The following IRS1 variants were observed in gnomAD, a reference collection of about 807,000 sequenced individuals.
IRS1 encodes insulin receptor substrate 1.
Under a neutral mutation model 65.6 loss-of-function variants are expected in IRS1, and 34 were observed. The observed-to-expected ratio is 0.52, with a 90% CI of 0.39 to 0.69. IRS1 has a LOEUF of 0.69. Among genes scored for constraint, IRS1 ranks in the 30% least tolerant of loss-of-function variants. The pLI is 0.00. For missense variants in IRS1, 1,641 were observed against 1,720.2 expected (o/e 0.95, Z 0.81); for synonymous variants, 699 against 683.5 (o/e 1.02, Z -0.35).
In IRS1 at chr2:226,795,045, T is replaced by G. The variant is rs770781927; in HGVS notation, c.3694A>C (p.Ile1232Leu). 1 of 1,608,972 alleles carries G rather than the reference T, an allele frequency of 6.2e-7. No homozygotes were observed. Among genetic ancestry groups the G allele is most frequent in the East Asian group, 2.2e-5 (1 of 44,530 alleles). ...SSEDLSAYAS[I>L]SFQKQPEDRQ ...TCCTCTGGCTGCTTCTGGAAACTGA[T>G]GCTGGCATAGGCGCTTAAATCCTCA... Residue 1232 changes from isoleucine (I) to leucine (L), a missense_variant, in exon 1 of 2, where the codon ATC becomes CTC. Ile to Leu is a conservative substitution (Grantham distance 5). This residue lies in a region of IRS1 where 1,324 missense variants were observed against 1,361.0 expected (regional missense o/e 0.97). Transcript: ENST00000305123.
chr2:226,753,737 A>G (rs1237714534), intron 1 of IRS1, among the ~76,000 whole-genome samples: 2 of 152,238 alleles, frequency 1.3e-5, no homozygotes, highest in Non-Finnish European at 2.9e-5. Context: ...TGGACTCTGA[A>G]GTCTTTGTGA....
At chr2:226,781,343 A>G (rs1939378248) in intron 1 of IRS1, among the ~76,000 whole-genome samples, 1 of 152,204 alleles carries the variant, frequency 6.6e-6, no homozygotes, top group African/African-American at 2.4e-5. Flanking sequence ...ATCCACAAAA[A>G]AGGAAAAGAA....
chr2:226,751,069 G>A (rs1559148753), intron 1 of IRS1, among the ~76,000 whole-genome samples: 1 of 152,164 alleles, frequency 6.6e-6, no homozygotes, highest in Non-Finnish European at 1.5e-5. Context: ...TCTGCAGGGT[G>A]AATGGGCTTT....
chr2:226,795,122 G>C lies in IRS1; in HGVS notation c.3617C>G (p.Pro1206Arg). Reference protein sequence around the residue: ...TPEPQPPPPPPPHQPLGSGES... With the variant: ...TPEPQPPPPPRPHQPLGSGES... ...ACCGCTGCCCAGGGGTTGATGAGGG[G>C]GTGGGGGTGGGGGAGGCTGCGGTTC... The change falls in exon 1 of 2, where the codon CCC (proline) becomes CGC (arginine). Residue 1206 changes from proline to arginine, a missense_variant. Pro to Arg is a moderately radical substitution (Grantham distance 103). This residue lies in a region of IRS1 where 1,324 missense variants were observed against 1,361.0 expected (regional missense o/e 0.97). Coordinates refer to ENST00000305123, the MANE Select transcript of IRS1 (RefSeq NM_005544.3). The C allele has an allele frequency of 1.9e-6, 3 of 1,609,452 alleles. No homozygotes were observed. The South Asian group carries it at 3.3e-5, about 18-fold the overall frequency.
At chr2:226,765,563 G>T (rs1939016372) in intron 1 of IRS1, among the ~76,000 whole-genome samples, 1 of 152,138 alleles carries the variant, frequency 6.6e-6, no homozygotes, top group Non-Finnish European at 1.5e-5. Context: ...ACAACCCCAT[G>T]AGCACTAATG....
rs1316620044 is a variant in IRS1, at chr2:226,795,314, C to T, written c.3425G>A (p.Ser1142Asn). The T allele has an allele frequency of 1.2e-6, 2 of 1,613,828 alleles. No individual in the cohort carries two copies. The highest frequency in any genetic ancestry group is 2.2e-5 in the South Asian group (2 of 91,088). ...CCACACATTCTCAAAGGAAGCAGAGCTGTGGCGTTTCACATCCTCGCTGCT... is the reference window on the plus strand; with the variant it reads ...CCACACATTCTCAAAGGAAGCAGAGTTGTGGCGTTTCACATCCTCGCTGCT... ...SSSSEDVKRH[S>N]SASFENVWLR... is the part of the protein sequence containing the mutation. Residue 1142 changes from serine (S) to asparagine (N), a missense_variant, in exon 1 of 2, where the codon AGC becomes AAC. Transcript: ENST00000305123.
chr2:226,758,586 AATAATT>A (rs1296580130), intron 1 of IRS1, among the ~76,000 whole-genome samples: 5 of 152,194 alleles, frequency 3.3e-5, no homozygotes, highest in Non-Finnish European at 7.3e-5. Context: ...ATAATATAGA[AATAATT>A]ATAATGAATC....
intron 1 of IRS1, among the ~76,000 whole-genome samples, chr2:226,781,496 A>G (rs1173327891): frequency 6.6e-6 from 1 of 152,162 alleles, no homozygotes. Context: ...AGTGAATTAG[A>G]TCGAATTGGG....
chr2:226,795,110 G>A lies in IRS1; in HGVS notation c.3629C>T (p.Pro1210Leu), dbSNP rs1312009930. 1.2e-6 allele frequency: 2 copies of A among 1,608,326 alleles called. No homozygotes were observed. Residue 1210 changes from proline (P) to leucine (L), a missense_variant, in exon 1 of 2, where the codon CCC becomes CTC. This residue lies in a region of IRS1 where 1,324 missense variants were observed against 1,361.0 expected (regional missense o/e 0.97). Coordinates refer to ENST00000305123, the MANE Select transcript of IRS1 (RefSeq NM_005544.3). ...GGAGCTGCTCTCACCGCTGCCCAGG[G>A]GTTGATGAGGGGGTGGGGGTGGGGG... ...QPPPPPPPHQ[P>L]LGSGESSSTR... is the part of the protein sequence containing the mutation.
intron 1 of IRS1, among the ~76,000 whole-genome samples, chr2:226,771,724 C>G (rs1376169252): frequency 6.6e-6 from 1 of 152,060 alleles, no homozygotes; most frequent in Non-Finnish European, 1.5e-5. Context: ...AGCACTGGAT[C>G]TCTCTGTCAA....
Position 226,795,496 on chromosome 2 carries a change from G to A in IRS1, c.3243C>T (p.Arg1081=), listed in dbSNP as rs758845449. The change falls in exon 1 of 2, where the codon CGC becomes CGT. Residue 1081 remains arginine, a synonymous_variant. Transcript: ENST00000305123. ...AFTRVNLSPN[R]NQSAKVIRAD... is the part of the protein sequence containing the mutation. The stretch of plus-strand genomic sequence containing the variant: ...CACGGATCACTTTGGCACTCTGGTT[G>A]CGGTTAGGACTGAGGTTCACCCGGG... 1.2e-6 allele frequency: 2 copies of A among 1,613,518 alleles called. No homozygotes were observed. Among genetic ancestry groups the A allele is most frequent in the South Asian group, 1.1e-5 (1 of 91,084 alleles).
In IRS1 at chr2:226,796,716, T is replaced by G; in HGVS notation, c.2023A>C (p.Ile675Leu). The change falls in exon 1 of 2, where the codon ATT becomes CTT. Residue 675 changes from isoleucine (I) to leucine (L), a missense_variant. Around this residue, in one of 3 missense-constraint regions of IRS1, gnomAD observed 1,324 missense variants for 1,361.0 expected, o/e 0.97. Transcript: ENST00000305123. ...MSPSGGCSPDIGGGPSSSSSS... is the reference protein window; with the variant it reads ...MSPSGGCSPDLGGGPSSSSSS... ...CTGCTGCTGCTGGGGCCACCTCCAA[T>G]GTCAGGAGAGCAGCCACCGCTGGGG... 6.2e-7 allele frequency: 1 copy of G among 1,613,474 alleles called. No individual in the cohort carries two copies. Among genetic ancestry groups the G allele is most frequent in the Non-Finnish European group, 8.5e-7 (1 of 1,179,624 alleles).
chr2:226,749,765 T>C (rs1938635986), intron 1 of IRS1, among the ~76,000 whole-genome samples: 1 of 152,164 alleles, frequency 6.6e-6, no homozygotes, highest in African/African-American at 2.4e-5. Flanking sequence ...CCAATGACTA[T>C]CCGAAAGATG....
rs374294358 is a variant in IRS1, at chr2:226,796,960, C to T, written c.1779G>A (p.Glu593=). 4.5e-6 allele frequency: 7 copies of T among 1,571,638 alleles called. No individual in the cohort carries two copies. The highest frequency in any genetic ancestry group is 2.3e-5 in the East Asian group (1 of 44,396). Residue 593 remains glutamate, a synonymous_variant, in exon 1 of 2, where the codon GAG becomes GAA. Coordinates refer to ENST00000305123, the MANE Select transcript of IRS1 (RefSeq NM_005544.3). The stretch of plus-strand genomic sequence containing the variant: ...CTGGGCGGTGGTGCCCCCCCCGACG[C>T]TCCAAGGGGTGCATTTCCAGACCCT... The part of the protein sequence containing the change: ...PEEGLEMHPL[E]RRGGHHRPDS...
intron 1 of IRS1, among the ~76,000 whole-genome samples, chr2:226,753,451 C>A (rs1938722490): frequency 6.6e-6 from 1 of 152,160 alleles, no homozygotes; most frequent in African/African-American, 2.4e-5. Flanking sequence ...ATACCATATT[C>A]TAAATATGCC....
At chr2:226,754,118 A>G (rs1049155862) in intron 1 of IRS1, among the ~76,000 whole-genome samples, 4 of 152,230 alleles carry the variant, frequency 2.6e-5, no homozygotes, top group East Asian at 1.9e-4. Context: ...TGCCAAGATT[A>G]TAGGCACGAG....
rs577078349 is a variant in IRS1, at chr2:226,791,817, A to T, written c.*21+3172T>A. Among the ~76,000 whole-genome samples the T allele has an allele frequency of 3.3e-3, 503 of 152,036 alleles. 2 individuals are homozygous for T. The highest frequency in any genetic ancestry group is 0.012 in the African/African-American group (478 of 41,514). On this transcript the variant is annotated intron_variant, in intron 1 of 1. Coordinates refer to ENST00000305123, the MANE Select transcript of IRS1 (RefSeq NM_005544.3). Reference sequence around the variant, plus strand: ...GGCGGGGCCTCGCCCGCCAGCGCCGACCACGCGGCCCGGGAAGGGGCCCCA... The same window carrying T: ...GGCGGGGCCTCGCCCGCCAGCGCCGTCCACGCGGCCCGGGAAGGGGCCCCA...
Position 226,796,692 on chromosome 2 carries a change from T to C in IRS1, c.2047A>G (p.Ser683Gly), listed in dbSNP as rs1304186165. Residue 683 changes from serine (S) to glycine (G), a missense_variant, in exon 1 of 2, where the codon AGC (serine) becomes GGC (glycine). By Grantham distance (56) the Ser-to-Gly change is moderately conservative. This residue lies in a region of IRS1 where 1,324 missense variants were observed against 1,361.0 expected (regional missense o/e 0.97). Coordinates refer to ENST00000305123, the MANE Select transcript of IRS1 (RefSeq NM_005544.3). ...GAAGGGACGGCGTTGCTGCTGCTGC[T>C]GCTGCTGCTGGGGCCACCTCCAATG... Reference protein sequence around the residue: ...PDIGGGPSSSSSSSNAVPSGT... With the variant: ...PDIGGGPSSSGSSSNAVPSGT... 3 of 1,613,946 alleles carry C rather than the reference T, an allele frequency of 1.9e-6. No homozygotes were observed. The East Asian group carries it at 6.7e-5, about 36-fold the overall frequency.
intron 1 of IRS1, among the ~76,000 whole-genome samples, chr2:226,749,209 G>C (rs191331112): frequency 1.3e-5 from 2 of 152,198 alleles, no homozygotes; most frequent in East Asian, 3.9e-4. Context: ...TGTCACAAGC[G>C]GGCCATGGCC....
Sources: gnomAD v4.1 joint callset for allele counts (sites outside exome capture counted in the v4.1 genomes callset) on GRCh38, gnomAD v4.1.1 for gene constraint, gnomAD v4.1.1 regional missense constraint, MANE v1.5 for transcripts, NCBI Gene and HGNC (gene_info 2026-07-23, HGNC 2026-07-21) for gene names.